The following PDE4D variants were observed in gnomAD, a reference collection of about 807,000 sequenced individuals.
PDE4D encodes the protein 3',5'-cyclic-AMP phosphodiesterase 4D.
Under a neutral mutation model 87.4 loss-of-function variants are expected in PDE4D, and 24 were observed. That is an observed-to-expected ratio of 0.27 (90% confidence interval 0.20 to 0.39). The LOEUF is 0.39. Among genes scored for constraint, PDE4D ranks in the 10% least tolerant of loss-of-function variants. PDE4D has a pLI of 1.00. For synonymous variants in PDE4D, 384 were observed against 383.2 expected (o/e 1.00, Z -0.02); for missense variants, 714 against 1,041.0 (o/e 0.69, Z 4.32).
At chr5:59,434,268 A>G (rs1796498665) in intron 1 of PDE4D, among the ~76,000 whole-genome samples, 1 of 142,140 alleles carries the variant, frequency 7.0e-6, no homozygotes, top group Non-Finnish European at 1.5e-5. Flanking sequence ...CATCTTTAGG[A>G]TGTTCCTAAA....
chr5:60,430,949 C>T (rs1203231994), intron 1 of PDE4D: 4 of 288,182 alleles, frequency 1.4e-5, no homozygotes, highest in Non-Finnish European at 2.7e-5. Context: ...CCTCTTTCTA[C>T]ACAGACACAG....
chr5:60,190,446 T>C (rs1785110276), intron 1 of PDE4D, among the ~76,000 whole-genome samples: 1 of 152,252 alleles, frequency 6.6e-6, no homozygotes, highest in African/African-American at 2.4e-5. Flanking sequence ...GATCTAAAGA[T>C]GACAATAGAG....
chr5:59,036,121 A>T (rs1446631241), intron 6 of PDE4D, among the ~76,000 whole-genome samples: 1 of 152,222 alleles, frequency 6.6e-6, no homozygotes, highest in African/African-American at 2.4e-5. Context: ...AGAAACAGAA[A>T]TAATGTGTTA....
At chr5:60,336,156 A>G (rs1757735731) in intron 1 of PDE4D, among the ~76,000 whole-genome samples, 1 of 152,192 alleles carries the variant, frequency 6.6e-6, no homozygotes, top group Admixed American at 6.5e-5. Context: ...GAAAGGTAAG[A>G]CTTATGGTAG....
At chr5:60,241,291 T>G (rs1369734150) in intron 1 of PDE4D, among the ~76,000 whole-genome samples, 1 of 125,482 alleles carries the variant, frequency 8.0e-6, no homozygotes, top group Non-Finnish European at 1.7e-5. Context: ...TTTTTTTTTT[T>G]CAGATGCAGT....
intron 1 of PDE4D, among the ~76,000 whole-genome samples, chr5:59,624,967 C>CTAA (rs1308389516): frequency 2.0e-5 from 3 of 152,126 alleles, no homozygotes; most frequent in Non-Finnish European, 4.4e-5. Flanking sequence ...CACATCTTGG[C>CTAA]TAATACACAA....
chr5:59,341,224 A>G (rs971617427), intron 1 of PDE4D, among the ~76,000 whole-genome samples: 6 of 152,136 alleles, frequency 3.9e-5, no homozygotes, highest in South Asian at 2.1e-4. Context: ...CACAGGTACA[A>G]TGTGTTTATC....
chr5:60,421,992 G>A (rs1743150528), intron 1 of PDE4D, among the ~76,000 whole-genome samples: 1 of 152,124 alleles, frequency 6.6e-6, no homozygotes, highest in Non-Finnish European at 1.5e-5. Flanking sequence ...CAAGTTTAGA[G>A]AAAAAAGAGT....
chr5:59,923,672 C>A (rs1239987111), intron 3 of PDE4D, among the ~76,000 whole-genome samples: 1 of 152,202 alleles, frequency 6.6e-6, no homozygotes, highest in Non-Finnish European at 1.5e-5. Flanking sequence ...TTGGGGTGCC[C>A]CCTAATGCAG....
intron 1 of PDE4D, among the ~76,000 whole-genome samples, chr5:59,672,760 C>T (rs970803724): frequency 6.6e-6 from 1 of 152,048 alleles, no homozygotes; most frequent in Admixed American, 6.6e-5. Context: ...CTTAAAATTG[C>T]ATCCAGGTTT....
chr5:59,350,229 T>A (rs965911305), intron 1 of PDE4D, among the ~76,000 whole-genome samples: 1 of 152,148 alleles, frequency 6.6e-6, no homozygotes, highest in Non-Finnish European at 1.5e-5. Context: ...TACACTCTCC[T>A]GTCTGCAAGA....
chr5:59,067,027 TATTTAGAG>T (rs1056230724), intron 5 of PDE4D, among the ~76,000 whole-genome samples: 11 of 140,122 alleles, frequency 7.9e-5, no homozygotes, highest in African/African-American at 2.6e-4. Context: ...TTTATTTATT[TATTTAGAG>T]AGAGAGTTTT....
intron 1 of PDE4D, among the ~76,000 whole-genome samples, chr5:59,580,179 A>G (rs948799087): frequency 6.6e-6 from 1 of 152,200 alleles, no homozygotes; most frequent in Non-Finnish European, 1.5e-5. Flanking sequence ...TTAAAAATAT[A>G]TTGGGCTCTA....
intron 1 of PDE4D, among the ~76,000 whole-genome samples, chr5:60,310,082 C>T (rs1199527384): frequency 6.6e-6 from 1 of 152,170 alleles, no homozygotes; most frequent in Non-Finnish European, 1.5e-5. Context: ...GAAAGAATAG[C>T]TAGCACCTTA....
At chr5:59,725,056 T>C (rs1318187153) in intron 1 of PDE4D, among the ~76,000 whole-genome samples, 1 of 152,098 alleles carries the variant, frequency 6.6e-6, no homozygotes, top group Admixed American at 6.6e-5. Flanking sequence ...AATTGGACCT[T>C]AAGACTGACT....
intron 2 of PDE4D, among the ~76,000 whole-genome samples, chr5:60,028,931 C>T (rs973587034): frequency 2.0e-5 from 3 of 152,206 alleles, no homozygotes; most frequent in African/African-American, 7.2e-5. Flanking sequence ...TTTCCCTCCT[C>T]TTAAACATTT....
chr5:59,722,498 T>C (rs74826055), intron 1 of PDE4D, among the ~76,000 whole-genome samples: 27,979 of 151,978 alleles, frequency 0.18, 3,061 homozygotes, highest in South Asian at 0.26. Flanking sequence ...GTAGTTTTTT[T>C]CCCAACTTCT....
intron 1 of PDE4D, among the ~76,000 whole-genome samples, chr5:59,278,469 T>C (rs1189363731): frequency 6.6e-6 from 1 of 152,140 alleles, no homozygotes; most frequent in Admixed American, 6.6e-5. Context: ...TACTTTCTGG[T>C]TGTTACCACA....
chr5:60,264,070 C>A (rs1403671092), intron 1 of PDE4D, among the ~76,000 whole-genome samples: 1 of 151,898 alleles, frequency 6.6e-6, no homozygotes, highest in Non-Finnish European at 1.5e-5. Context: ...AATGAGGCAA[C>A]AATTCCCCAG....
Sources: gnomAD v4.1 joint callset for allele counts (sites outside exome capture counted in the v4.1 genomes callset) on GRCh38, gnomAD v4.1.1 for gene constraint, MANE v1.5 for transcripts, NCBI Gene and HGNC (gene_info 2026-07-23, HGNC 2026-07-21) for gene names.